The following TTC23L variants were observed in gnomAD, a reference collection of about 807,000 sequenced individuals.
TTC23L encodes the protein tetratricopeptide repeat protein 23-like.
A neutral mutation model predicts 48.1 loss-of-function variants in TTC23L; 42 were observed. The ratio of observed to expected loss-of-function variants is 0.87; its 90% CI spans 0.68 to 1.13. The LOEUF (loss-of-function observed/expected upper bound fraction) is 1.13. TTC23L is among the 50% of genes most tolerant of loss of function. The probability of loss-of-function intolerance (pLI) is 0.00; values close to 1 mark genes in which losing one functional copy is unlikely to be tolerated. For synonymous variants in TTC23L, 159 were observed against 157.2 expected (o/e 1.01, Z -0.09); for missense variants, 391 against 421.0 (o/e 0.93, Z 0.62).
At chr5:34,896,922 G>A (rs962872813) in intron 10 of TTC23L, 47 bp downstream of exon 10, 5 of 652,112 alleles carry the variant, frequency 7.7e-6, no homozygotes, top group South Asian at 5.2e-5. Flanking sequence ...CCTGAAAGGG[G>A]CTGCAAGAAA....
chr5:34,867,124 G>A, intron 7 of TTC23L, 55 bp downstream of exon 7: 1 of 1,546,402 alleles, frequency 6.5e-7, no homozygotes, highest in East Asian at 2.4e-5. Flanking sequence ...CCCAGGCTTG[G>A]TTCTCAGGGC....
chr5:34,884,700 A>G (rs1387434000), intron 9 of TTC23L, among the ~76,000 whole-genome samples: 1 of 152,234 alleles, frequency 6.6e-6, no homozygotes, highest in Admixed American at 6.5e-5. Flanking sequence ...CATCAAAAAG[A>G]ATAAAATACT....
the TTC23L span, chr5:34,913,516 A>T: frequency 6.2e-7 from 1 of 1,604,326 alleles, no homozygotes; most frequent in Non-Finnish European, 8.5e-7. Flanking sequence ...CTAAAAGGAC[A>T]GTTAAATTAA....
the TTC23L span, among the ~76,000 whole-genome samples, chr5:34,924,131 A>G: frequency 6.6e-6 from 1 of 152,228 alleles, no homozygotes; most frequent in Non-Finnish European, 1.5e-5. Flanking sequence ...TCACACAGTG[A>G]CTCATTCAGG....
Position 34,877,453 on chromosome 5 carries a change from C to T in TTC23L, c.950-2728C>T, listed in dbSNP as rs142007970. ...TTTTTCTTTTTTTGAGACAGAGTTT[C>T]GCTTTTGTTGCTCAGGCTGGAGTAC... On this transcript the variant is annotated intron_variant, in intron 8 of 10. Transcript: ENST00000505624. Among the ~76,000 whole-genome samples the T allele has an allele frequency of 6.4e-3, 894 of 138,676 alleles. 9 individuals are homozygous for T. Among genetic ancestry groups the T allele is most frequent in the African/African-American group, 0.022 (830 of 37,058 alleles). 91.0% of individuals were successfully genotyped at this position (138,676 alleles called of 152,430 possible). A position where few individuals can be genotyped will look rare whatever the true frequency, so the allele number is the denominator to read the frequency against.
intron 9 of TTC23L, among the ~76,000 whole-genome samples, chr5:34,891,765 C>CT (rs1325630044): frequency 3.3e-5 from 5 of 152,210 alleles, no homozygotes; most frequent in Admixed American, 6.5e-5. Flanking sequence ...TGGAATGAAT[C>CT]TAATTCTTCG....
intron 4 of TTC23L, chr5:34,861,030 C>CAT (rs1760584521): frequency 6.6e-6 from 1 of 152,328 alleles, no homozygotes; most frequent in Non-Finnish European, 1.5e-5. Context: ...TGCAGTGGTG[C>CAT]GATCTCAGCT....
chr5:34,917,550 G>T, the TTC23L span, among the ~76,000 whole-genome samples: 2 of 152,086 alleles, frequency 1.3e-5, no homozygotes, highest in African/African-American at 4.8e-5. Context: ...TGAGGCAGGA[G>T]AATCGCTTGA....
rs112220623 is a variant in TTC23L, at chr5:34,877,136, C to T, written c.950-3045C>T. Among the ~76,000 whole-genome samples, 28 of 152,256 alleles carry T rather than the reference C, an allele frequency of 1.8e-4. 1 individual carries two copies. Among genetic ancestry groups the T allele is most frequent in the African/African-American group, 5.1e-4 (21 of 41,540 alleles). On this transcript the variant is annotated intron_variant, in intron 8 of 10. Transcript: ENST00000505624. Reference sequence around the variant, plus strand: ...TACACTACAGCCAAATGGGATTTATCGCAGGTATGCAAGGCCAGTCCAGTA... The same window carrying T: ...TACACTACAGCCAAATGGGATTTATTGCAGGTATGCAAGGCCAGTCCAGTA...
the TTC23L span, chr5:34,908,688 T>C: frequency 4.6e-6 from 6 of 1,298,442 alleles, no homozygotes; most frequent in Non-Finnish European, 6.4e-6. Flanking sequence ...CAATATGAAA[T>C]GACAAAGAGT....
the TTC23L span, chr5:34,923,324 G>T: frequency 9.4e-7 from 1 of 1,069,498 alleles, no homozygotes. Context: ...TTGTTGCCCA[G>T]GCTGGACTGC....
At chr5:34,913,582 T>C in the TTC23L span, 922 of 1,537,408 alleles carry the variant, frequency 6.0e-4, no homozygotes, top group Non-Finnish European at 7.6e-4. Context: ...TTCCAGCCTA[T>C]GAAAAGAGTA....
chr5:34,905,536 C>T, the TTC23L span: 6 of 151,376 alleles, frequency 4.0e-5, no homozygotes, highest in African/African-American at 1.5e-4. Context: ...TGAAGCATTT[C>T]ATCAATTCTC....
At chr5:34,895,577 G>A (rs538831169) in intron 9 of TTC23L, among the ~76,000 whole-genome samples, 69 of 152,276 alleles carry the variant, frequency 4.5e-4, no homozygotes, top group Admixed American at 3.8e-3. Context: ...AAGGAGCAGG[G>A]AGAACCATCC....
intron 10 of TTC23L, 137 bp downstream of exon 10, chr5:34,897,012 G>GAA (rs74810232): frequency 2.3e-4 from 89 of 390,298 alleles, no homozygotes; most frequent in South Asian, 7.0e-4. Flanking sequence ...ATCATTTAAG[G>GAA]AAAAAAAAAA....
chr5:34,857,896 C>T (rs1197672271), intron 4 of TTC23L, among the ~76,000 whole-genome samples: 2 of 152,142 alleles, frequency 1.3e-5, no homozygotes, highest in Non-Finnish European at 2.9e-5. Flanking sequence ...ATTACCGTGC[C>T]ACAGTAACTG....
At chr5:34,922,121 AT>A in the TTC23L span, 1 of 647,050 alleles carries the variant, frequency 1.5e-6, no homozygotes, top group Non-Finnish European at 2.6e-6. Context: ...CTGGTTAGGT[AT>A]TTTTGAGATA....
chr5:34,882,472 T>C (rs1242023260), intron 9 of TTC23L, among the ~76,000 whole-genome samples: 3 of 152,200 alleles, frequency 2.0e-5, no homozygotes, highest in East Asian at 3.8e-4. Context: ...CTGATAACTT[T>C]TGAATGAAAC....
At chr5:34,865,476 A>G (rs531656292) in intron 6 of TTC23L, among the ~76,000 whole-genome samples, 4 of 152,320 alleles carry the variant, frequency 2.6e-5, no homozygotes, top group East Asian at 3.9e-4. Context: ...CATAGGGCCT[A>G]AAGTTTTTCT....
Sources: gnomAD v4.1 joint callset for allele counts (sites outside exome capture counted in the v4.1 genomes callset) on GRCh38, gnomAD v4.1.1 for gene constraint, MANE v1.5 for transcripts, NCBI Gene and HGNC (gene_info 2026-07-23, HGNC 2026-07-21) for gene names.